The following GAS7 variants were observed in gnomAD, a reference collection of about 807,000 sequenced individuals.
The protein encoded by GAS7 is growth arrest specific 7.
Under a neutral mutation model 71.1 loss-of-function variants are expected in GAS7, and 28 were observed. That is an observed-to-expected ratio of 0.39 (90% CI 0.29 to 0.54). The LOEUF (loss-of-function observed/expected upper bound fraction) is 0.54. Ranked by LOEUF, GAS7 falls within the 20% of genes least tolerant of loss-of-function variation. GAS7 has a pLI of 0.62. For missense variants in GAS7, 436 were observed against 627.8 expected, an observed-to-expected ratio of 0.69 and a Z score of 3.27; for synonymous variants, 258 against 245.8, an observed-to-expected ratio of 1.05 and a Z score of -0.46.
At chr17:9,925,443 A>T in intron 11 of GAS7, 33 bp downstream of exon 11, 2 of 1,612,986 alleles carry the variant, frequency 1.2e-6, no homozygotes, top group Non-Finnish European at 8.5e-7. Flanking sequence ...TTCTGTGTGC[A>T]CTGACCAGGC....
chr17:10,019,115 G>A (rs2072159550), intron 2 of GAS7, among the ~76,000 whole-genome samples: 2 of 152,038 alleles, frequency 1.3e-5, no homozygotes, highest in African/African-American at 4.8e-5. Context: ...GCAAACTTCT[G>A]GGGATCCTGG....
intron 2 of GAS7, among the ~76,000 whole-genome samples, chr17:10,003,894 T>C (rs2071367599): frequency 6.6e-6 from 1 of 152,218 alleles, no homozygotes; most frequent in South Asian, 2.1e-4. Context: ...CTACCTACTT[T>C]GGAATCCAAC....
intron 1 of GAS7, among the ~76,000 whole-genome samples, chr17:10,176,746 C>T (rs1160834128): frequency 6.6e-6 from 1 of 152,156 alleles, no homozygotes; most frequent in African/African-American, 2.4e-5. Context: ...TCCTGGGAGT[C>T]CTGGCCTGGG....
intron 9 of GAS7, among the ~76,000 whole-genome samples, chr17:9,933,699 C>T (rs1448305260): frequency 6.6e-6 from 1 of 151,816 alleles, no homozygotes; most frequent in Non-Finnish European, 1.5e-5. Context: ...AAAAAAATTA[C>T]CCAGGCATGG....
intron 11 of GAS7, among the ~76,000 whole-genome samples, chr17:9,920,457 T>C (rs1374622884): frequency 1.3e-5 from 2 of 152,246 alleles, no homozygotes; most frequent in African/African-American, 4.8e-5. Context: ...GTTTAGAACA[T>C]TTTGTAATTA....
intron 1 of GAS7, among the ~76,000 whole-genome samples, chr17:10,047,431 C>T (rs2072994201): frequency 6.6e-6 from 1 of 152,124 alleles, no homozygotes; most frequent in Non-Finnish European, 1.5e-5. Context: ...TCCCCCAAGC[C>T]GACAGTGTGC....
chr17:9,923,333 A>G (rs114468839), intron 11 of GAS7, among the ~76,000 whole-genome samples: 1,727 of 152,136 alleles, frequency 0.011, 32 homozygotes, highest in African/African-American at 0.039. Flanking sequence ...CTTATGGGAA[A>G]TATCACTGTA....
At chr17:10,057,009 T>C (rs1377895283) in intron 1 of GAS7, among the ~76,000 whole-genome samples, 1 of 152,158 alleles carries the variant, frequency 6.6e-6, no homozygotes, top group African/African-American at 2.4e-5. Context: ...TTGGCCAGGC[T>C]GGTCTCCAGC....
chr17:10,117,649 C>G (rs1343066518), intron 1 of GAS7, among the ~76,000 whole-genome samples: 4 of 152,166 alleles, frequency 2.6e-5, no homozygotes, highest in Admixed American at 2.6e-4. Context: ...CGTCTTCACT[C>G]TGCCGACATG....
At chr17:9,929,391 C>T (rs1003450656) in intron 9 of GAS7, among the ~76,000 whole-genome samples, 37 of 152,302 alleles carry the variant, frequency 2.4e-4, no homozygotes, top group African/African-American at 6.7e-4. Context: ...GGAAGCGTGA[C>T]GCTGCTAACT....
At chr17:10,170,046 A>G (rs543179586) in intron 1 of GAS7, among the ~76,000 whole-genome samples, 2 of 152,156 alleles carry the variant, frequency 1.3e-5, no homozygotes, top group East Asian at 3.9e-4. Context: ...TCGCTCTCAA[A>G]ATACATCCAA....
intron 1 of GAS7, among the ~76,000 whole-genome samples, chr17:10,175,792 A>T (rs879726598): frequency 6.6e-6 from 1 of 152,206 alleles, no homozygotes; most frequent in Admixed American, 6.5e-5. Context: ...GAGCTACTAC[A>T]GCTGGCCATG....
rs1597850749 is a variant in GAS7, at chr17:10,198,548, G to GGAC, written c.-161_-159dup. The GGAC allele has an allele frequency of 7.2e-6, 3 of 416,156 alleles. No individual in the cohort carries two copies. The East Asian group carries it at 1.2e-4, about 16-fold the overall frequency. The allele number at this position is 416,156 out of a possible 1,614,324, so 25.8% of individuals were successfully genotyped here. A position where few individuals can be genotyped will look rare whatever the true frequency, so the allele number is the denominator to read the frequency against. ...GCGCGGGGGTCCTCAGGCAGGCGGG[G>GGAC]GACGCGCGCTCCGCGCCGGGAAGCA... On this transcript the variant is annotated 5_prime_UTR_variant, in exon 1 of 14. Coordinates refer to ENST00000432992, the MANE Select transcript of GAS7 (RefSeq NM_201433.2).
At chr17:10,112,746 AAAC>A (rs2073825265) in intron 1 of GAS7, among the ~76,000 whole-genome samples, 1 of 150,364 alleles carries the variant, frequency 6.7e-6, no homozygotes, top group African/African-American at 2.5e-5. Context: ...TCTCAAAAAC[AAAC>A]AAAGAAAAGA....
intron 1 of GAS7, among the ~76,000 whole-genome samples, chr17:10,158,215 G>A (rs1422540988): frequency 6.6e-6 from 1 of 151,552 alleles, no homozygotes; most frequent in Non-Finnish European, 1.5e-5. Flanking sequence ...GGGTTTCACC[G>A]TGTTAGCCAG....
chr17:10,042,019 G>A (rs929285481), intron 1 of GAS7, among the ~76,000 whole-genome samples: 34 of 152,130 alleles, frequency 2.2e-4, no homozygotes, highest in Admixed American at 5.9e-4. Context: ...TTAATAGGCC[G>A]AGCACGGTGG....
At chr17:10,039,902 C>T (rs928589215) in intron 1 of GAS7, 7 of 303,162 alleles carry the variant, frequency 2.3e-5, no homozygotes, top group African/African-American at 1.3e-4. Context: ...CCTTCTGTGT[C>T]CGCATCCCAC....
intron 2 of GAS7, among the ~76,000 whole-genome samples, chr17:9,989,969 T>C (rs1452641005): frequency 6.6e-6 from 1 of 152,156 alleles, no homozygotes; most frequent in Non-Finnish European, 1.5e-5. Context: ...GAGGAGCTAC[T>C]TGTAAGAAAG....
At position 9,926,552 on chromosome 17, in the gene GAS7, C is replaced by A; in HGVS notation, c.1014+89G>T. On this transcript the variant is annotated intron_variant, in intron 10 of 13. Coordinates refer to ENST00000432992, the MANE Select transcript of GAS7 (RefSeq NM_201433.2). This position sits in a 1 kb window ranked among gnomAD's most constrained non-coding sequence, Gnocchi z 5.0. ...CCTGGGGACAAAGACTCAGCCTTGG[C>A]GTATGGAGCCACTGCTGGCTTCCCA... is the stretch of plus-strand genomic sequence containing the variant. The A allele has an allele frequency of 7.3e-7, 1 of 1,368,694 alleles. No individual in the cohort carries two copies. The allele number at this position is 1,368,694 out of a possible 1,614,324, so 84.8% of individuals were successfully genotyped here.
Sources: allele counts gnomAD v4.1 joint callset (sites outside exome capture counted in the v4.1 genomes callset), GRCh38; gene constraint gnomAD v4.1.1; non-coding constraint Gnocchi (gnomAD v3.1); transcripts MANE v1.5; gene names NCBI Gene and HGNC (gene_info 2026-07-23, HGNC 2026-07-21).